CCSER2: variants seen among roughly 807,000 people sequenced by gnomAD.
The protein encoded by CCSER2 is coiled-coil serine rich protein 2.
Under a neutral mutation model 92.3 loss-of-function variants are expected in CCSER2, and 46 were observed. The observed-to-expected ratio is 0.50, with a 90% CI of 0.39 to 0.64. The LOEUF is 0.64. Ranked by LOEUF, CCSER2 falls within the 30% of genes least tolerant of loss-of-function variation. The pLI is 0.00. For synonymous variants in CCSER2, 433 were observed against 431.4 expected (o/e 1.00, Z -0.04); for missense variants, 1,244 against 1,238.9 (o/e 1.00, Z -0.06).
intron 3 of CCSER2, among the ~76,000 whole-genome samples, chr10:84,400,012 GTTTA>G (rs1456492934): frequency 6.6e-6 from 1 of 151,638 alleles, no homozygotes; most frequent in Non-Finnish European, 1.5e-5. Flanking sequence ...TTTTTTGTGT[GTTTA>G]TTGTCTATTT....
chr10:84,406,107 A>G (rs1027344428), intron 3 of CCSER2, among the ~76,000 whole-genome samples: 2 of 152,252 alleles, frequency 1.3e-5, no homozygotes, highest in Non-Finnish European at 2.9e-5. Flanking sequence ...AGTACTCAGC[A>G]GTAAAAAGAA....
At chr10:84,339,336 T>C (rs981853247) in intron 1 of CCSER2, among the ~76,000 whole-genome samples, 1 of 152,056 alleles carries the variant, frequency 6.6e-6, no homozygotes. Flanking sequence ...ATGTGATGTT[T>C]CTTACCATAG....
Position 84,392,030 on chromosome 10 carries a change from C to T in CCSER2, c.1614+18215C>T. Reference sequence around the variant, plus strand: ...CTCTTCCCTTAAAAAGAGCGTCTTGCAGCTGTTTATGGTGTTTAATACACT... The same window carrying T: ...CTCTTCCCTTAAAAAGAGCGTCTTGTAGCTGTTTATGGTGTTTAATACACT... On this transcript the variant is annotated intron_variant, in intron 3 of 9. Transcript: ENST00000372088. 3.9e-6 allele frequency: 5 copies of T among 1,267,202 alleles called. 1 individual carries two copies. The highest frequency in any genetic ancestry group is 3.6e-5 in the South Asian group (3 of 84,066). The allele number at this position is 1,267,202 out of a possible 1,614,324, so 78.5% of individuals were successfully genotyped here. A position where few individuals can be genotyped will look rare whatever the true frequency, so the allele number is the denominator to read the frequency against.
chr10:84,452,105 G>C (rs1845330403), intron 6 of CCSER2: 1 of 152,186 alleles, frequency 6.6e-6, no homozygotes, highest in South Asian at 2.1e-4. Context: ...CCCTTTCCTA[G>C]GATGCCTCTT....
chr10:84,393,128 C>T (rs12416398), intron 3 of CCSER2, among the ~76,000 whole-genome samples: 31,906 of 151,916 alleles, frequency 0.21, 3,593 homozygotes, highest in Admixed American at 0.34. Flanking sequence ...AGAATATAGA[C>T]ATATAAAGTA....
intron 6 of CCSER2, among the ~76,000 whole-genome samples, chr10:84,457,278 ATTATATATT>A (rs1564684622): frequency 9.9e-3 from 22 of 2,228 alleles, no homozygotes; most frequent in Middle Eastern, 0.25. Context: ...TATATAATAT[ATTATATATT>A]ATATATTATA....
intron 6 of CCSER2, among the ~76,000 whole-genome samples, chr10:84,451,075 A>T (rs1317013807): frequency 6.6e-6 from 1 of 152,186 alleles, no homozygotes; most frequent in Non-Finnish European, 1.5e-5. Context: ...TCAAAGGATA[A>T]GATTTGTGTA....
chr10:84,437,150 C>CAGAG (rs71013323), intron 5 of CCSER2, among the ~76,000 whole-genome samples: 3 of 77,074 alleles, frequency 3.9e-5, no homozygotes, highest in East Asian at 4.2e-4. Context: ...CACACACACA[C>CAGAG]AGAGAGAGAG....
intron 9 of CCSER2, among the ~76,000 whole-genome samples, chr10:84,497,191 T>C (rs2131826724): frequency 6.6e-6 from 1 of 152,310 alleles, no homozygotes; most frequent in East Asian, 1.9e-4. Context: ...AGAATGATCA[T>C]AATTAATTTA....
chr10:84,475,101 G>A (rs1455038062), intron 8 of CCSER2, among the ~76,000 whole-genome samples: 2 of 152,294 alleles, frequency 1.3e-5, no homozygotes, highest in East Asian at 1.9e-4. Flanking sequence ...TCCAGTGTCT[G>A]TTTTTAAAAT....
intron 1 of CCSER2, among the ~76,000 whole-genome samples, chr10:84,364,292 A>G (rs1006273531): frequency 1.3e-5 from 2 of 152,336 alleles, no homozygotes; most frequent in African/African-American, 4.8e-5. Flanking sequence ...AATGGCTAGC[A>G]TGTCACTAGG....
intron 4 of CCSER2, among the ~76,000 whole-genome samples, chr10:84,419,050 A>G (rs1248539114): frequency 2.0e-5 from 3 of 152,200 alleles, no homozygotes; most frequent in African/African-American, 7.2e-5. Flanking sequence ...ATATTTTACT[A>G]AAACGTAAGA....
chr10:84,346,667 G>T (rs1844495512), intron 1 of CCSER2, among the ~76,000 whole-genome samples: 1 of 151,786 alleles, frequency 6.6e-6, no homozygotes, highest in Non-Finnish European at 1.5e-5. Context: ...ATCTGTTACA[G>T]ATCAGGACAT....
intron 1 of CCSER2, among the ~76,000 whole-genome samples, chr10:84,338,062 C>T (rs1378979061): frequency 6.6e-6 from 1 of 152,070 alleles, no homozygotes; most frequent in African/African-American, 2.4e-5. Context: ...AGTTGGATCA[C>T]CTGAGGTCAG....
rs146464920 is a variant in CCSER2, at chr10:84,459,889, T to A, written c.2065-4044T>A. Among the ~76,000 whole-genome samples the A allele has an allele frequency of 3.1e-3, 468 of 152,224 alleles. 3 individuals are homozygous for A. The highest frequency in any genetic ancestry group is 8.9e-3 in the African/African-American group (370 of 41,532). ...TATTCCTAGCTTTCTGAGTTTTTTT[T>A]AAATCCTGATTGGATATTGAATTTT... is the stretch of plus-strand genomic sequence containing the variant. On this transcript the variant is annotated intron_variant, in intron 6 of 9. Coordinates refer to ENST00000372088, the MANE Select transcript of CCSER2 (RefSeq NM_001284240.2).
chr10:84,499,204 C>T lies in CCSER2; in HGVS notation c.2326-14245C>T, dbSNP rs775048237. Among the ~76,000 whole-genome samples, 12 of 152,132 alleles carry T rather than the reference C, an allele frequency of 7.9e-5. No homozygotes were observed. The East Asian group carries it at 1.4e-3, about 17-fold the overall frequency. On this transcript the variant is annotated intron_variant, in intron 9 of 9. Transcript: ENST00000372088. ...AGGCTGGAATGCAGTGGCGTCATCT[C>T]GGCTCACTGCAACCTCCACCTCCCA...
chr10:84,337,304 A>G (rs937032775), intron 1 of CCSER2, among the ~76,000 whole-genome samples: 4 of 152,220 alleles, frequency 2.6e-5, no homozygotes, highest in Non-Finnish European at 5.9e-5. Context: ...AAGAAGCCGC[A>G]CGCCTATAAA....
At chr10:84,441,734 A>AATTTTTTTTTTTTTTT (rs1564667378) in intron 6 of CCSER2, among the ~76,000 whole-genome samples, 1 of 106,410 alleles carries the variant, frequency 9.4e-6, no homozygotes, top group African/African-American at 3.9e-5. Flanking sequence ...GACTGGGAAA[A>AATTTTTTTTTTTTTTT]TGTTTTTTTT....
intron 1 of CCSER2, among the ~76,000 whole-genome samples, chr10:84,331,253 A>G (rs188784169): frequency 6.6e-6 from 1 of 152,302 alleles, no homozygotes; most frequent in East Asian, 1.9e-4. Context: ...GAAATGAAGG[A>G]GCTGCCAGTT....
Sources: gnomAD v4.1 joint callset for allele counts (sites outside exome capture counted in the v4.1 genomes callset) on GRCh38, gnomAD v4.1.1 for gene constraint, MANE v1.5 for transcripts, NCBI Gene and HGNC (gene_info 2026-07-23, HGNC 2026-07-21) for gene names.